The following WWOX variants were observed in gnomAD, a reference collection of about 807,000 sequenced individuals.
WWOX encodes WW domain containing oxidoreductase.
A neutral mutation model predicts 46.2 loss-of-function variants in WWOX; 69 were observed. The observed-to-expected ratio is 1.49, with a 90% CI of 1.23 to 1.82. The LOEUF (loss-of-function observed/expected upper bound fraction) is 1.82. Ranked by LOEUF, WWOX falls within the 40% of genes most tolerant of loss-of-function variation. The probability of loss-of-function intolerance (pLI) is 0.00; values close to 1 mark genes in which losing one functional copy is unlikely to be tolerated. For missense variants in WWOX, 919 were observed against 542.6 expected, an observed-to-expected ratio of 1.69 and a Z score of -6.89; for synonymous variants, 359 against 202.6, an observed-to-expected ratio of 1.77 and a Z score of -6.56.
intron 8 of WWOX, among the ~76,000 whole-genome samples, chr16:78,694,319 C>A (rs896785181): frequency 2.6e-5 from 4 of 152,212 alleles, no homozygotes; most frequent in Non-Finnish European, 4.4e-5. Flanking sequence ...GTTCTGTCTA[C>A]AAGCTGCGAC....
chr16:78,865,609 G>A (rs1567612902), intron 8 of WWOX, among the ~76,000 whole-genome samples: 1 of 152,194 alleles, frequency 6.6e-6, no homozygotes, highest in South Asian at 2.1e-4. Context: ...CAGGTGCAGT[G>A]TGGCTCAAGC....
At chr16:78,792,427 A>G (rs945067423) in intron 8 of WWOX, among the ~76,000 whole-genome samples, 17 of 152,188 alleles carry the variant, frequency 1.1e-4, no homozygotes, top group Admixed American at 9.8e-4. Flanking sequence ...TTGCTTCTTC[A>G]TTCTGGGCCA....
intron 8 of WWOX, among the ~76,000 whole-genome samples, chr16:78,704,378 G>A (rs2048289216): frequency 6.6e-6 from 1 of 152,126 alleles, no homozygotes; most frequent in African/African-American, 2.4e-5. Flanking sequence ...TTTTCACAAT[G>A]CTTGGTTTTA....
chr16:78,962,535 A>G (rs999802777), intron 8 of WWOX, among the ~76,000 whole-genome samples: 4 of 152,098 alleles, frequency 2.6e-5, no homozygotes, highest in Admixed American at 6.5e-5. Context: ...CTGTCAGACA[A>G]TTCTCTGAAA....
chr16:78,527,992 T>TTTTTTTTTTTA, intron 8 of WWOX, among the ~76,000 whole-genome samples: 1 of 13,658 alleles, frequency 7.3e-5, no homozygotes, highest in Non-Finnish European at 3.5e-4. Flanking sequence ...GTACATGTCC[T>TTTTTTTTTTTA]TTTTTTTTTT....
Position 78,452,736 on chromosome 16 carries a change from C to T in WWOX, c.1056+19984C>T, listed in dbSNP as rs528797935. Among the ~76,000 whole-genome samples the T allele has an allele frequency of 3.6e-3, 549 of 151,974 alleles. 3 individuals are homozygous for T. The highest frequency in any genetic ancestry group is 6.1e-3 in the Non-Finnish European group (415 of 67,984). ...ATGTGATCGGCCTGCCTTGGCCTCC[C>T]GAAGTGCTGGGATTACAGGCATGAA... On this transcript the variant is annotated intron_variant, in intron 8 of 8. Coordinates refer to ENST00000566780, the MANE Select transcript of WWOX (RefSeq NM_016373.4).
chr16:78,967,459 G>GT (rs57576563), intron 8 of WWOX, among the ~76,000 whole-genome samples: 34,321 of 97,678 alleles, frequency 0.35, 8,412 homozygotes, highest in East Asian at 0.67. Context: ...AATTTTTGTG[G>GT]TTTTTTTTTT....
At chr16:78,792,463 G>C (rs1430664613) in intron 8 of WWOX, among the ~76,000 whole-genome samples, 1 of 152,172 alleles carries the variant, frequency 6.6e-6, no homozygotes, top group East Asian at 1.9e-4. Flanking sequence ...TCGTACTCCA[G>C]GGTGAGGAAG....
At chr16:78,882,824 A>AT (rs1434466180) in intron 8 of WWOX, among the ~76,000 whole-genome samples, 3 of 138,728 alleles carry the variant, frequency 2.2e-5, no homozygotes, top group South Asian at 2.5e-4. Flanking sequence ...CAATGCCACC[A>AT]TTTAAAAAAA....
intron 8 of WWOX, among the ~76,000 whole-genome samples, chr16:78,926,324 G>C (rs1048024276): frequency 6.6e-6 from 1 of 151,342 alleles, no homozygotes; most frequent in South Asian, 2.1e-4. Context: ...AGTGAGCCAT[G>C]CTCGTGCCAT....
chr16:78,769,241 G>C (rs564478725), intron 8 of WWOX, among the ~76,000 whole-genome samples: 15 of 152,300 alleles, frequency 9.8e-5, no homozygotes, highest in Admixed American at 2.0e-4. Context: ...CGCTGTTACA[G>C]CCCGTGTAAT....
intron 8 of WWOX, among the ~76,000 whole-genome samples, chr16:78,534,751 C>T (rs968349731): frequency 1.3e-5 from 2 of 151,790 alleles, no homozygotes; most frequent in Non-Finnish European, 2.9e-5. Context: ...GTCTCTGTCT[C>T]CAGGCTGGAG....
chr16:78,561,251 G>C (rs2044428075), intron 8 of WWOX, among the ~76,000 whole-genome samples: 1 of 152,122 alleles, frequency 6.6e-6, no homozygotes, highest in Admixed American at 6.5e-5. Flanking sequence ...GTCCCCTCCT[G>C]CTTTGAATCT....
intron 8 of WWOX, among the ~76,000 whole-genome samples, chr16:78,471,030 G>A (rs74029632): frequency 5.1e-4 from 78 of 152,330 alleles, no homozygotes; most frequent in African/African-American, 1.8e-3. Flanking sequence ...ATAAAATGGT[G>A]TGGCATTGCT....
At chr16:79,181,061 T>C (rs2050901790) in intron 8 of WWOX, among the ~76,000 whole-genome samples, 1 of 152,200 alleles carries the variant, frequency 6.6e-6, no homozygotes, top group Non-Finnish European at 1.5e-5. Flanking sequence ...ACAATATGAA[T>C]ATATAAGAAG....
At chr16:78,173,180 C>G (rs977878939) in intron 5 of WWOX, among the ~76,000 whole-genome samples, 9 of 152,168 alleles carry the variant, frequency 5.9e-5, no homozygotes, top group Non-Finnish European at 8.8e-5. Flanking sequence ...GCAGACGCAA[C>G]CCAGTGGAAT....
At chr16:78,373,128 T>C (rs1314502863) in intron 5 of WWOX, among the ~76,000 whole-genome samples, 1 of 152,180 alleles carries the variant, frequency 6.6e-6, no homozygotes, top group Non-Finnish European at 1.5e-5. Context: ...TCTTGTAATA[T>C]CTTTGTAAAA....
intron 8 of WWOX, among the ~76,000 whole-genome samples, chr16:78,845,918 A>T (rs955098251): frequency 1.3e-5 from 2 of 152,182 alleles, no homozygotes; most frequent in South Asian, 2.1e-4. Flanking sequence ...AGATGGGTTT[A>T]TGCCTAATTG....
At chr16:79,085,275 T>C (rs2048833848) in intron 8 of WWOX, among the ~76,000 whole-genome samples, 1 of 152,182 alleles carries the variant, frequency 6.6e-6, no homozygotes, top group South Asian at 2.1e-4. Context: ...TGGAGGTCTC[T>C]TAGATTTTCC....
Sources: gnomAD v4.1 joint callset for allele counts (sites outside exome capture counted in the v4.1 genomes callset) on GRCh38, gnomAD v4.1.1 for gene constraint, MANE v1.5 for transcripts, NCBI Gene and HGNC (gene_info 2026-07-23, HGNC 2026-07-21) for gene names.